Variants in ALKBH2 observed in about 807,000 individuals in gnomAD.
ALKBH2 encodes the protein alkB homolog 2, alpha-ketoglutarate dependent dioxygenase, also known as DNA oxidative demethylase ALKBH2.
In ALKBH2, 19 loss-of-function variants were observed where a neutral mutation model predicts 19.7. That is an observed-to-expected ratio of 0.97 (90% CI 0.67 to 1.42). The LOEUF is 1.42. Ranked by LOEUF, ALKBH2 falls within the 40% of genes most tolerant of loss-of-function variation. ALKBH2 has a pLI of 0.00. For missense variants in ALKBH2, 310 were observed against 328.5 expected (o/e 0.94, Z 0.43); for synonymous variants, 135 against 131.2 (o/e 1.03, Z -0.20).
At position 109,088,262 on chromosome 12, in the gene ALKBH2, C is replaced by A; in HGVS notation, c.730G>T (p.Val244Phe). 1.2e-6 allele frequency: 2 copies of A among 1,613,610 alleles called. No homozygotes were observed. Among genetic ancestry groups the A allele is most frequent in the Non-Finnish European group, 8.5e-7 (1 of 1,179,662 alleles). ...GTCAGATTCACCCGTGGAGCCAGAA[C>A]CTTCTTTCTCACGGGAAGACTGTGG... ...WYHSLPVRKK[V>F]LAPRVNLTFR... The change falls in exon 4 of 4, where the codon GTT (valine) becomes TTT (phenylalanine). Residue 244 changes from valine to phenylalanine, a missense_variant. Transcript: ENST00000429722. The surrounding 1 kb of genome is among the most constrained non-coding windows in gnomAD (Gnocchi z 4.2).
chr12:109,090,574 C>A (rs139309388), intron 2 of ALKBH2, among the ~76,000 whole-genome samples: 62 of 152,246 alleles, frequency 4.1e-4, no homozygotes, highest in Non-Finnish European at 7.4e-4. Flanking sequence ...ACCACAGGGG[C>A]GTGCCACCAT....
chr12:109,092,723 G>T lies in ALKBH2; in HGVS notation c.64C>A (p.Pro22Thr). Residue 22 changes from proline (P) to threonine (T), a missense_variant, in exon 2 of 4, where the codon CCA (proline) becomes ACA (threonine). Transcript: ENST00000429722. ...GLLRKQEEQE[P>T]TGEEPAVLGG... ...AACACAGCTGGCTCTTCTCCAGTTG[G>T]CTCTTGCTCCTCCTGCTTCCTCAAA... 1.2e-6 allele frequency: 2 copies of T among 1,614,040 alleles called. No individual in the cohort carries two copies. Among genetic ancestry groups the T allele is most frequent in the South Asian group, 2.2e-5 (2 of 91,082 alleles).
rs749035027 is a variant in ALKBH2, at chr12:109,088,250, G to A, written c.742C>T (p.Arg248Trp). The A allele has an allele frequency of 1.8e-5, 29 of 1,611,262 alleles. No individual in the cohort carries two copies. The highest frequency in any genetic ancestry group is 1.6e-4 in the Middle Eastern group (1 of 6,082). ...LPVRKKVLAP[R>W]VNLTFRKILL... is the part of the protein sequence containing the mutation. ...ATTTTACGAAAAGTCAGATTCACCC[G>A]TGGAGCCAGAACCTTCTTTCTCACG... The change falls in exon 4 of 4, where the codon CGG (arginine) becomes TGG (tryptophan). Residue 248 changes from arginine (R) to tryptophan (W), a missense_variant. Physicochemically the swap from Arg to Trp is moderately radical, Grantham distance 101. Coordinates refer to ENST00000429722, the MANE Select transcript of ALKBH2 (RefSeq NM_001145374.2). The surrounding 1 kb of genome is among the most constrained non-coding windows in gnomAD (Gnocchi z 4.2).
intron 2 of ALKBH2, chr12:109,092,222 GT>G: frequency 3.0e-6 from 1 of 333,262 alleles, no homozygotes; most frequent in South Asian, 1.2e-4. Context: ...TTTTTACTTT[GT>G]TTTGTAAACT....
At position 109,088,720 on chromosome 12, in the gene ALKBH2, T is replaced by C. The variant is rs758773545; in HGVS notation, c.480-208A>G. On this transcript the variant is annotated intron_variant, in intron 3 of 3. Coordinates refer to ENST00000429722, the MANE Select transcript of ALKBH2 (RefSeq NM_001145374.2). This position sits in a 1 kb window ranked among gnomAD's most constrained non-coding sequence, Gnocchi z 4.2. ...TTGACGTATTTGTTCATGTGACTTA[T>C]TTATTATTATTTTTGAGAGGGTCTC... 6.6e-6 allele frequency among the ~76,000 whole-genome samples: 1 copy of C among 152,080 alleles called. No individual in the cohort carries two copies. The highest frequency in any genetic ancestry group is 2.1e-4 in the South Asian group (1 of 4,826).
At chr12:109,093,031 T>A in intron 1 of ALKBH2, 94 bp from the exon 2 acceptor site, 1 of 1,058,268 alleles carries the variant, frequency 9.4e-7, no homozygotes, top group Non-Finnish European at 1.2e-6. Flanking sequence ...CAGAATCAGC[T>A]GGCTAGCTTG....
At chr12:109,092,063 G>C (rs910118185) in intron 2 of ALKBH2, among the ~76,000 whole-genome samples, 3 of 152,176 alleles carry the variant, frequency 2.0e-5, no homozygotes, top group African/African-American at 7.2e-5. Context: ...GAAATTACCT[G>C]GTTATTTGCC....
chr12:109,090,657 T>TA (rs1404305239), intron 2 of ALKBH2, among the ~76,000 whole-genome samples: 1 of 152,322 alleles, frequency 6.6e-6, no homozygotes, highest in East Asian at 1.9e-4. Flanking sequence ...TGCCTCAGCC[T>TA]CCTGAGTAGC....
chr12:109,088,518 A>G lies in ALKBH2; in HGVS notation c.480-6T>C, dbSNP rs368590715. The G allele has an allele frequency of 4.4e-6, 7 of 1,576,496 alleles. No homozygotes were observed. The highest frequency in any genetic ancestry group is 4.1e-5 in the African/African-American group (3 of 73,440). ...GGTCACAGCCATCTTTATACCTGCA[A>G]TGAGAAAACAAACACAGTGCATAAA... On this transcript the variant is annotated splice_polypyrimidine_tract_variant and splice_region_variant and intron_variant, in intron 3 of 3. Coordinates refer to ENST00000429722, the MANE Select transcript of ALKBH2 (RefSeq NM_001145374.2). This position sits in a 1 kb window ranked among gnomAD's most constrained non-coding sequence, Gnocchi z 4.2.
chr12:109,092,985 A>G (rs1593314944), intron 1 of ALKBH2, 48 bp from the exon 2 acceptor site: 2 of 1,361,500 alleles, frequency 1.5e-6, no homozygotes, highest in Non-Finnish European at 1.9e-6. Flanking sequence ...CCCTAGGGAC[A>G]ATCTGATCCA....
At position 109,092,614 on chromosome 12, in the gene ALKBH2, C is replaced by T. The variant is rs767138703; in HGVS notation, c.173G>A (p.Arg58Gln). 27 of 1,614,082 alleles carry T rather than the reference C, an allele frequency of 1.7e-5. No individual in the cohort carries two copies. The highest frequency in any genetic ancestry group is 1.6e-4 in the Middle Eastern group (1 of 6,084). Residue 58 changes from arginine to glutamine, a missense_variant, in exon 2 of 4, where the codon CGG (arginine) becomes CAG (glutamine). By Grantham distance (43) the Arg-to-Gln change is conservative. Transcript: ENST00000429722. The stretch of plus-strand genomic sequence containing the variant: ...GTCCAGGCCCTCAGCCCGAATGTGC[C>T]GCCAGCTAGGGCCTGCTGAGTGGCC... ...NGGHSAGPSWRHIRAEGLDCS... is the reference protein window; with the variant it reads ...NGGHSAGPSWQHIRAEGLDCS...
In ALKBH2 at chr12:109,092,504, T is replaced by C; in HGVS notation, c.280+3A>G. ...ACACACACACACACACCCCTCTGCT[T>C]ACCTGTAAAATATTCTACTTCTTTC... On this transcript the variant is annotated splice_donor_region_variant and intron_variant, in intron 2 of 3. Coordinates refer to ENST00000429722, the MANE Select transcript of ALKBH2 (RefSeq NM_001145374.2). 1.3e-6 allele frequency: 2 copies of C among 1,565,858 alleles called. No individual in the cohort carries two copies. Among genetic ancestry groups the C allele is most frequent in the Non-Finnish European group, 1.7e-6 (2 of 1,154,094 alleles).
chr12:109,092,600 C>T lies in ALKBH2; in HGVS notation c.187G>A (p.Glu63Lys). The change falls in exon 2 of 4, where the codon GAG becomes AAG. Residue 63 changes from glutamate (E) to lysine (K), a missense_variant. Transcript: ENST00000429722. ...AGPSWRHIRAEGLDCSYTVLF... is the reference protein window; with the variant it reads ...AGPSWRHIRAKGLDCSYTVLF... ...ACTGTGTAACTGCAGTCCAGGCCCT[C>T]AGCCCGAATGTGCCGCCAGCTAGGG... 6.2e-7 allele frequency: 1 copy of T among 1,614,166 alleles called. No individual in the cohort carries two copies. The highest frequency in any genetic ancestry group is 1.3e-5 in the African/African-American group (1 of 75,068).
intron 2 of ALKBH2, 108 bp downstream of exon 2, chr12:109,092,399 T>G (rs1440309647): frequency 7.2e-7 from 1 of 1,394,692 alleles, no homozygotes; most frequent in Non-Finnish European, 9.4e-7. Context: ...AGTGAACCCA[T>G]CAGTAAATAA....
intron 2 of ALKBH2, 58 bp from the exon 3 acceptor site, chr12:109,090,265 T>C (rs2042041936): frequency 1.3e-6 from 2 of 1,523,138 alleles, no homozygotes; most frequent in East Asian, 2.3e-5. Context: ...GAAATCCAGA[T>C]GCCCCCCCCA....
rs981731894 is a variant in ALKBH2, at chr12:109,090,068, G to A, written c.420C>T (p.Arg140=). 8 of 1,614,082 alleles carry A rather than the reference G, an allele frequency of 5.0e-6. No homozygotes were observed. Among genetic ancestry groups the A allele is most frequent in the Non-Finnish European group, 6.8e-6 (8 of 1,180,038 alleles). Residue 140 remains arginine (R), a synonymous_variant, in exon 3 of 4, where the codon CGC becomes CGT. Coordinates refer to ENST00000429722, the MANE Select transcript of ALKBH2 (RefSeq NM_001145374.2). ...TCACCCCAGAGACGTGATCCCGGAT[G>A]CGCTCTAGAACTGGGATCCAGGGCT... ...SPKPWIPVLE[R]IRDHVSGVTG...
Position 109,088,851 on chromosome 12 carries a change from A to G in ALKBH2, c.480-339T>C, listed in dbSNP as rs1424564829. Among the ~76,000 whole-genome samples, 1 of 152,102 alleles carries G rather than the reference A, an allele frequency of 6.6e-6. No individual in the cohort carries two copies. The highest frequency in any genetic ancestry group is 2.4e-5 in the African/African-American group (1 of 41,410). On this transcript the variant is annotated intron_variant, in intron 3 of 3. Transcript: ENST00000429722. This position sits in a 1 kb window ranked among gnomAD's most constrained non-coding sequence, Gnocchi z 4.2. Reference sequence around the variant, plus strand: ...CACTTCAGCCTCCCAAGTAGCTGGGACTATAGGTATGCACCACCCCACCTA... The same window carrying G: ...CACTTCAGCCTCCCAAGTAGCTGGGGCTATAGGTATGCACCACCCCACCTA...
chr12:109,092,428 T>A (rs771293923), intron 2 of ALKBH2, 79 bp downstream of exon 2: 404 of 1,440,200 alleles, frequency 2.8e-4, no homozygotes, highest in Middle Eastern at 3.6e-4. Context: ...GAGTTCAGAT[T>A]TCTCCAAACA....
In ALKBH2 at chr12:109,088,299, G is replaced by A; in HGVS notation, c.693C>T (p.Asn231=). ...CGGGAAGACTGTGGTACCAGTGCGT[G>A]TTGGTCGGGTGGTTCATCATTAGTA... ...GSLLMMNHPT[N]THWYHSLPVR... The change falls in exon 4 of 4, where the codon AAC becomes AAT. Residue 231 remains asparagine (N), a synonymous_variant. Coordinates refer to ENST00000429722, the MANE Select transcript of ALKBH2 (RefSeq NM_001145374.2). This position sits in a 1 kb window ranked among gnomAD's most constrained non-coding sequence, Gnocchi z 4.2. 6.2e-7 allele frequency: 1 copy of A among 1,614,200 alleles called. No individual in the cohort carries two copies. Among genetic ancestry groups the A allele is most frequent in the South Asian group, 1.1e-5 (1 of 91,082 alleles).
Sources: gnomAD v4.1 joint callset for allele counts (sites outside exome capture counted in the v4.1 genomes callset) on GRCh38, gnomAD v4.1.1 for gene constraint, Gnocchi (gnomAD v3.1) non-coding constraint, MANE v1.5 for transcripts, NCBI Gene and HGNC (gene_info 2026-07-23, HGNC 2026-07-21) for gene names.